Variants in COL6A5 observed in about 807,000 individuals in gnomAD.
COL6A5 encodes collagen alpha-5(VI) chain.
In COL6A5, 48 loss-of-function variants were observed where a neutral mutation model predicts 65.6. The observed-to-expected ratio is 0.73, with a 90% CI of 0.58 to 0.93. COL6A5 has a LOEUF of 0.93. COL6A5 is among the 40% of genes least tolerant of loss of function. The probability of loss-of-function intolerance (pLI) is 0.00; values close to 1 mark genes in which losing one functional copy is unlikely to be tolerated. For missense variants in COL6A5, 914 were observed against 928.3 expected (o/e 0.98, Z 0.20); for synonymous variants, 291 against 322.8 (o/e 0.90, Z 1.05).
chr3:130,440,246 A>C, exon 3 of COL6A5: 3 of 1,613,376 alleles, frequency 1.9e-6, no homozygotes, highest in Non-Finnish European at 1.7e-6. Flanking sequence ...CCTCATAGAC[A>C]ATTCTCGGAA....
chr3:130,373,705 G>C (rs1935645815), exon 2 of COL6A5: 2 of 1,518,268 alleles, frequency 1.3e-6, no homozygotes, highest in Admixed American at 2.0e-5. Context: ...CCAGAGCCCA[G>C]GTATCAGTAT....
At chr3:130,372,713 T>G (rs1171057132) in intron 1 of COL6A5, among the ~76,000 whole-genome samples, 1 of 152,040 alleles carries the variant, frequency 6.6e-6, no homozygotes. Flanking sequence ...GGTTTCTTTT[T>G]GGGGTGATAA....
chr3:130,406,382 C>T, intron 17 of COL6A5, 61 bp downstream of exon 17: 1 of 1,302,794 alleles, frequency 7.7e-7, no homozygotes, highest in Non-Finnish European at 1.1e-6. Flanking sequence ...ACAGTCTTAA[C>T]TGCTGTGTGT....
At chr3:130,474,609 C>CA (rs777351888) in intron 7 of COL6A5, among the ~76,000 whole-genome samples, 2 of 151,742 alleles carry the variant, frequency 1.3e-5, no homozygotes, top group African/African-American at 4.8e-5. Flanking sequence ...ATAGAAATCA[C>CA]AAAAAAGAAC....
In COL6A5 at chr3:130,463,050, T is replaced by C. The variant is rs576189832; in HGVS notation, c.1545-5745T>C. Among the ~76,000 whole-genome samples, 4 of 152,230 alleles carry C rather than the reference T, an allele frequency of 2.6e-5. No homozygotes were observed. The East Asian group carries it at 7.8e-4, about 30-fold the overall frequency. ...GGAAATGATGATTATTCTGCCCTCA[T>C]AGTGCTTCAAGGAAGATTAAATGAA... On this transcript the variant is annotated intron_variant, in intron 5 of 7. Transcript: ENST00000512836.
intron 1 of COL6A5, among the ~76,000 whole-genome samples, chr3:130,363,005 A>G (rs1577428992): frequency 1.3e-5 from 2 of 152,224 alleles, no homozygotes; most frequent in African/African-American, 4.8e-5. Flanking sequence ...AAACCATTAT[A>G]GTGATTATTG....
At chr3:130,421,637 C>T (rs543643505) in intron 27 of COL6A5, among the ~76,000 whole-genome samples, 1 of 152,150 alleles carries the variant, frequency 6.6e-6, no homozygotes, top group East Asian at 1.9e-4. Flanking sequence ...TGATTTTCTG[C>T]CTTGGTGATT....
At chr3:130,431,872 A>G in exon 1 of COL6A5, 2 of 1,551,630 alleles carry the variant, frequency 1.3e-6, no homozygotes, top group Non-Finnish European at 1.7e-6. Context: ...CATCACGGCC[A>G]CCATGGAGTT....
At chr3:130,475,296 A>C (rs1289179927) in intron 7 of COL6A5, among the ~76,000 whole-genome samples, 1 of 152,010 alleles carries the variant, frequency 6.6e-6, no homozygotes, top group East Asian at 1.9e-4. Context: ...AAAGCTAAAA[A>C]AAAAATTCAG....
At chr3:130,446,457 G>A (rs1391977622) in intron 4 of COL6A5, among the ~76,000 whole-genome samples, 1 of 152,184 alleles carries the variant, frequency 6.6e-6, no homozygotes, top group Non-Finnish European at 1.5e-5. Context: ...ACAGAGGGAT[G>A]TTATTTTCAG....
At chr3:130,378,852 ACCTGTTT>A (rs562366773) in intron 3 of COL6A5, among the ~76,000 whole-genome samples, 12 of 152,272 alleles carry the variant, frequency 7.9e-5, no homozygotes, top group African/African-American at 2.6e-4. Context: ...CAGTCAAGTC[ACCTGTTT>A]TATTTCCTTG....
chr3:130,443,031 T>A (rs1419850800), intron 3 of COL6A5, among the ~76,000 whole-genome samples: 1 of 152,212 alleles, frequency 6.6e-6, no homozygotes, highest in African/African-American at 2.4e-5. Context: ...ATGATTCTTT[T>A]CCTCATAGGA....
At chr3:130,431,865 C>G in exon 1 of COL6A5, 1 of 1,551,648 alleles carries the variant, frequency 6.4e-7, no homozygotes, top group Non-Finnish European at 8.7e-7. Flanking sequence ...CATCCATCAT[C>G]ACGGCCACCA....
exon 3 of COL6A5, chr3:130,440,225 G>C: frequency 1.9e-6 from 3 of 1,613,292 alleles, no homozygotes; most frequent in Non-Finnish European, 1.7e-6. Context: ...TTCATACATG[G>C]ATGTAGTCTT....
chr3:130,405,509 T>G, intron 13 of COL6A5, 79 bp from the exon 14 acceptor site: 1 of 1,018,486 alleles, frequency 9.8e-7, no homozygotes, highest in South Asian at 1.4e-5. Context: ...GTGCTTTGTC[T>G]TAACTCTGTG....
chr3:130,440,185 T>C (rs747161423), exon 3 of COL6A5: 23 of 1,611,626 alleles, frequency 1.4e-5, no homozygotes, highest in South Asian at 2.2e-5. Flanking sequence ...TTCCAAATGC[T>C]TGCATTCGAG....
chr3:130,348,930 G>T (rs1400169540), intron 1 of COL6A5, among the ~76,000 whole-genome samples: 3 of 152,030 alleles, frequency 2.0e-5, no homozygotes, highest in African/African-American at 7.3e-5. Flanking sequence ...AGAAGTGTCT[G>T]TTCATATCCT....
At chr3:130,446,873 G>A (rs1285519695) in intron 4 of COL6A5, among the ~76,000 whole-genome samples, 8 of 152,068 alleles carry the variant, frequency 5.3e-5, no homozygotes, top group African/African-American at 9.7e-5. Context: ...GTATAATGGC[G>A]TTTGGCTGCA....
chr3:130,395,701 C>T (rs1305011008), intron 8 of COL6A5, among the ~76,000 whole-genome samples: 1 of 152,192 alleles, frequency 6.6e-6, no homozygotes, highest in Non-Finnish European at 1.5e-5. Flanking sequence ...TGGGCTGTGT[C>T]CTCTGGTCAG....
Sources: allele counts gnomAD v4.1 joint callset (sites outside exome capture counted in the v4.1 genomes callset), GRCh38; gene constraint gnomAD v4.1.1; transcripts MANE v1.5; gene names NCBI Gene and HGNC (gene_info 2026-07-23, HGNC 2026-07-21).